Variants in GRIA1 observed in about 807,000 individuals in gnomAD.
GRIA1 encodes glutamate receptor 1.
In GRIA1, 31 loss-of-function variants were observed where a neutral mutation model predicts 99.2. The ratio of observed to expected loss-of-function variants is 0.31; its 90% CI spans 0.23 to 0.42. The LOEUF is 0.42. Among genes scored for constraint, GRIA1 ranks in the 10% least tolerant of loss-of-function variants. GRIA1 has a pLI of 1.00. For synonymous variants in GRIA1, 438 were observed against 432.4 expected, an observed-to-expected ratio of 1.01 and a Z score of -0.16; for missense variants, 782 against 1,157.5, an observed-to-expected ratio of 0.68 and a Z score of 4.71.
chr5:153,531,221 A>C (rs528684966), intron 2 of GRIA1, among the ~76,000 whole-genome samples: 2 of 152,316 alleles, frequency 1.3e-5, no homozygotes, highest in South Asian at 2.1e-4. Flanking sequence ...GGAAGCCCAC[A>C]TGGGGGTTGG....
At chr5:153,548,343 A>T (rs1444071791) in intron 2 of GRIA1, among the ~76,000 whole-genome samples, 1 of 152,140 alleles carries the variant, frequency 6.6e-6, no homozygotes, top group African/African-American at 2.4e-5. Flanking sequence ...TGTATTTTTT[A>T]AAAATCTTCT....
intron 11 of GRIA1, among the ~76,000 whole-genome samples, chr5:153,714,733 G>T (rs1759547528): frequency 6.6e-6 from 1 of 152,234 alleles, no homozygotes; most frequent in Admixed American, 6.5e-5. Flanking sequence ...GAGCCTGATG[G>T]TTTTGAATAT....
chr5:153,527,932 T>C (rs1757750810), intron 2 of GRIA1, among the ~76,000 whole-genome samples: 2 of 152,222 alleles, frequency 1.3e-5, no homozygotes, highest in Admixed American at 6.5e-5. Flanking sequence ...GTATTTCAGA[T>C]GATTGCAGTA....
At chr5:153,732,344 A>C (rs898000813) in intron 11 of GRIA1, among the ~76,000 whole-genome samples, 1 of 152,106 alleles carries the variant, frequency 6.6e-6, no homozygotes, top group East Asian at 1.9e-4. Flanking sequence ...TCACACCAAC[A>C]ATATATAAAA....
chr5:153,665,789 A>G (rs1755701346), intron 5 of GRIA1, among the ~76,000 whole-genome samples: 1 of 152,194 alleles, frequency 6.6e-6, no homozygotes, highest in Non-Finnish European at 1.5e-5. Flanking sequence ...TAAAACAGAT[A>G]AAAAGCAGAG....
At chr5:153,563,607 C>A (rs900231085) in intron 2 of GRIA1, among the ~76,000 whole-genome samples, 3 of 152,174 alleles carry the variant, frequency 2.0e-5, no homozygotes, top group Non-Finnish European at 4.4e-5. Flanking sequence ...CTCCCACTGA[C>A]AGTGTATGCT....
chr5:153,679,296 A>C (rs911597461), intron 7 of GRIA1, among the ~76,000 whole-genome samples: 1 of 152,180 alleles, frequency 6.6e-6, no homozygotes, highest in Non-Finnish European at 1.5e-5. Context: ...AAATAAACAA[A>C]CAAACAAATA....
intron 2 of GRIA1, among the ~76,000 whole-genome samples, chr5:153,604,657 A>G (rs1765294297): frequency 6.6e-6 from 1 of 152,132 alleles, no homozygotes. Flanking sequence ...TTTTCTTTAG[A>G]ACTTTACCAC....
At chr5:153,656,383 T>TTA (rs60245651) in intron 5 of GRIA1, among the ~76,000 whole-genome samples, 13,904 of 91,866 alleles carry the variant, frequency 0.15, 993 homozygotes, top group East Asian at 0.37. Context: ...ATAAGTTTGT[T>TTA]TATATATATA....
intron 2 of GRIA1, among the ~76,000 whole-genome samples, chr5:153,619,737 G>C (rs940542746): frequency 3.3e-5 from 5 of 152,192 alleles, no homozygotes; most frequent in Non-Finnish European, 7.3e-5. Flanking sequence ...GAAATTAAGA[G>C]TGGGAAAATA....
intron 2 of GRIA1, among the ~76,000 whole-genome samples, chr5:153,568,504 T>C (rs544872324): frequency 6.6e-6 from 1 of 152,200 alleles, no homozygotes; most frequent in Non-Finnish European, 1.5e-5. Flanking sequence ...TGGTTTTTTT[T>C]AATGGGCTTT....
intron 11 of GRIA1, among the ~76,000 whole-genome samples, chr5:153,724,354 A>G (rs1248592916): frequency 1.3e-5 from 2 of 152,154 alleles, no homozygotes; most frequent in Admixed American, 1.3e-4. Context: ...CCTCCTCCAA[A>G]GGAACGCAGT....
intron 7 of GRIA1, among the ~76,000 whole-genome samples, chr5:153,679,941 T>C (rs1756855817): frequency 6.6e-6 from 1 of 152,218 alleles, no homozygotes; most frequent in African/African-American, 2.4e-5. Flanking sequence ...CTCTAAACAT[T>C]TACACATATT....
chr5:153,491,286 G>A, intron 1 of GRIA1: 1 of 1,286,442 alleles, frequency 7.8e-7, no homozygotes, highest in Non-Finnish European at 9.9e-7. Context: ...GGTGTTTAAG[G>A]AGTTAACTCT....
chr5:153,693,867 G>C (rs1472512330), intron 8 of GRIA1, among the ~76,000 whole-genome samples: 2 of 152,266 alleles, frequency 1.3e-5, no homozygotes, highest in African/African-American at 4.8e-5. Flanking sequence ...AGGAAAATTT[G>C]CTCTAATCTC....
At chr5:153,664,754 T>G (rs1490934480) in intron 5 of GRIA1, among the ~76,000 whole-genome samples, 1 of 152,168 alleles carries the variant, frequency 6.6e-6, no homozygotes, top group Admixed American at 6.5e-5. Flanking sequence ...AAATAAATGA[T>G]TTACTACAAT....
intron 5 of GRIA1, among the ~76,000 whole-genome samples, chr5:153,657,732 T>C (rs1225515211): frequency 6.6e-6 from 1 of 152,156 alleles, no homozygotes; most frequent in East Asian, 1.9e-4. Context: ...CTTCTTCAAC[T>C]AACTTGTCTT....
intron 15 of GRIA1, among the ~76,000 whole-genome samples, chr5:153,804,280 G>C (rs139833820): frequency 1.3e-5 from 2 of 152,230 alleles, no homozygotes; most frequent in Admixed American, 6.5e-5. Flanking sequence ...AACTACAAAG[G>C]CATGGGCTTC....
chr5:153,628,741 G>A (rs183665899), intron 2 of GRIA1, among the ~76,000 whole-genome samples: 56 of 151,886 alleles, frequency 3.7e-4, no homozygotes, highest in African/African-American at 1.1e-3. Flanking sequence ...TTGTTTGTGG[G>A]TTTTTTTTCT....
Sources: gnomAD v4.1 joint callset for allele counts (sites outside exome capture counted in the v4.1 genomes callset) on GRCh38, gnomAD v4.1.1 for gene constraint, MANE v1.5 for transcripts, NCBI Gene and HGNC (gene_info 2026-07-23, HGNC 2026-07-21) for gene names.